The following ZNF497 variants were observed in gnomAD, a reference collection of about 807,000 sequenced individuals.
The protein encoded by ZNF497 is zinc finger protein 497.
For synonymous variants in ZNF497, 422 were observed against 313.7 expected (o/e 1.35, Z -3.65); for missense variants, 930 against 714.0 (o/e 1.30, Z -3.45).
Position 58,356,635 on chromosome 19 carries a change from T to G in ZNF497, c.1001A>C (p.Glu334Ala). 6.5e-7 allele frequency: 1 copy of G among 1,545,548 alleles called. No individual in the cohort carries two copies. Among genetic ancestry groups the G allele is most frequent in the Non-Finnish European group, 8.7e-7 (1 of 1,150,796 alleles). Residue 334 changes from glutamate (E) to alanine (A), a missense_variant, in exon 3 of 3, where the codon GAG becomes GCG. Physicochemically the swap from Glu to Ala is moderately radical, Grantham distance 107. Transcript: ENST00000311044. The stretch of plus-strand genomic sequence containing the variant: ...GCCCATGACGAAAGCCTGGCCGCAC[T>G]CGGCGCACTCGAAGGGCCGCTCACC... Reference protein sequence around the residue: ...HTGERPFECAECGQAFVMGSY... With the variant: ...HTGERPFECAACGQAFVMGSY...
chr19:58,355,857 C>G lies in ZNF497; in HGVS notation c.*282G>C, dbSNP rs960560197. ...ACCTGTCGGAGACCCCAGTTCTTGC[C>G]CACCTCTGCATGGACGAACCTCTCG... On this transcript the variant is annotated 3_prime_UTR_variant, in exon 3 of 3. Transcript: ENST00000311044. The G allele has an allele frequency of 4.9e-6, 2 of 405,410 alleles. No individual in the cohort carries two copies. Among genetic ancestry groups the G allele is most frequent in the Non-Finnish European group, 8.8e-6 (2 of 228,378 alleles). The allele number at this position is 405,410 out of a possible 1,614,324, so 25.1% of individuals were successfully genotyped here. A position where few individuals can be genotyped will look rare whatever the true frequency, so the allele number is the denominator to read the frequency against.
intron 1 of ZNF497, among the ~76,000 whole-genome samples, chr19:58,359,809 C>G (rs2052071139): frequency 6.6e-6 from 1 of 152,016 alleles, no homozygotes; most frequent in South Asian, 2.1e-4. Context: ...CCCGTCTCTA[C>G]TAAAAATACA....
chr19:58,356,608 G>A lies in ZNF497; in HGVS notation c.1028C>T (p.Ser343Phe). ...AECGQAFVMGSYLAEHRRVHT... is the reference protein window; with the variant it reads ...AECGQAFVMGFYLAEHRRVHT... ...CACGCGCCGGTGCTCCGCCAGGTAG[G>A]AGCCCATGACGAAAGCCTGGCCGCA... The change falls in exon 3 of 3, where the codon TCC becomes TTC. Residue 343 changes from serine (S) to phenylalanine (F), a missense_variant. By Grantham distance (155) the Ser-to-Phe change is radical. Transcript: ENST00000311044. 1 of 1,546,620 alleles carries A rather than the reference G, an allele frequency of 6.5e-7. No homozygotes were observed. The highest frequency in any genetic ancestry group is 8.7e-7 in the Non-Finnish European group (1 of 1,150,994).
chr19:58,361,388 G>T (rs913273574), intron 1 of ZNF497, among the ~76,000 whole-genome samples: 1 of 152,008 alleles, frequency 6.6e-6, no homozygotes, highest in Non-Finnish European at 1.5e-5. Flanking sequence ...ACAGAGTCTC[G>T]CTCTGTTGCC....
Position 58,354,537 on chromosome 19 carries a change from G to A in ZNF497, c.*1602C>T, listed in dbSNP as rs999222829. ...GAGGCGACTGCAGAGCGATTGCAGA[G>A]CTCATAGACGTGATGAAGACCAGCT... On this transcript the variant is annotated 3_prime_UTR_variant, in exon 3 of 3. Transcript: ENST00000311044. The A allele has an allele frequency of 2.0e-5, 3 of 152,362 alleles. No individual in the cohort carries two copies. The highest frequency in any genetic ancestry group is 7.2e-5 in the African/African-American group (3 of 41,460). The allele number at this position is 152,362 out of a possible 1,614,324, so 9.4% of individuals were successfully genotyped here.
chr19:58,356,477 CG>C lies in ZNF497; in HGVS notation c.1158del (p.Phe386LeufsTer73), dbSNP rs1420406796. On this transcript the variant is annotated frameshift_variant, in exon 3 of 3. Transcript: ENST00000311044. ...HRRTHSGAKP[F>X]ACADCGKAFR... is the part of the protein sequence containing the mutation. ...AAGGCCTTGCCGCAGTCGGCGCAGGCGAAGGGCTTGGCGCCCGAGTGCGTGC... is the reference window on the plus strand; with the variant it reads ...AAGGCCTTGCCGCAGTCGGCGCAGGCAAGGGCTTGGCGCCCGAGTGCGTGC... 11 of 1,551,028 alleles carry C rather than the reference CG, an allele frequency of 7.1e-6. No individual in the cohort carries two copies. Among genetic ancestry groups the C allele is most frequent in the Non-Finnish European group, 9.5e-6 (11 of 1,154,256 alleles).
rs746450528 is a variant in ZNF497, at chr19:58,356,764, T to G, written c.872A>C (p.Gln291Pro). The change falls in exon 3 of 3, where the codon CAG becomes CCG. Residue 291 changes from glutamine to proline, a missense_variant. Coordinates refer to ENST00000311044, the MANE Select transcript of ZNF497 (RefSeq NM_198458.3). ...CTCGCTGCTGTGCGTGCGCCGGTGC[T>G]GCCGCAGCCCCGCCACACGCACGAA... ...KAFVRVAGLRQHRRTHSSEKP... is the reference protein window; with the variant it reads ...KAFVRVAGLRPHRRTHSSEKP... 15 of 1,560,310 alleles carry G rather than the reference T, an allele frequency of 9.6e-6. No homozygotes were observed. In the South Asian group the frequency reaches 1.6e-4, roughly 17 times the overall value.
In ZNF497 at chr19:58,357,423, GCCGGGGCCTCCCTGTTCGT is replaced by G. The variant is rs1409319427; in HGVS notation, c.194_212del (p.Asp65AlafsTer117). ...CACCGTCTGCGGGGCCCAGCTCCCT[GCCGGGGCCTCCCTGTTCGT>G]CCGCCGCCCCCAGTGTGGCTTGCTG... On this transcript the variant is annotated frameshift_variant, in exon 3 of 3. Transcript: ENST00000311044. The G allele has an allele frequency of 6.2e-7, 1 of 1,600,566 alleles. No homozygotes were observed. Among genetic ancestry groups the G allele is most frequent in the Non-Finnish European group, 8.5e-7 (1 of 1,174,000 alleles).
At chr19:58,361,029 G>C (rs1359578261) in intron 1 of ZNF497, among the ~76,000 whole-genome samples, 2 of 151,974 alleles carry the variant, frequency 1.3e-5, no homozygotes, top group African/African-American at 4.8e-5. Flanking sequence ...TGATCCGCCC[G>C]CCTCAGCCTC....
intron 1 of ZNF497, among the ~76,000 whole-genome samples, chr19:58,362,087 T>C (rs756583125): frequency 2.0e-5 from 3 of 152,216 alleles, no homozygotes; most frequent in African/African-American, 7.2e-5. Flanking sequence ...CACCTCGACA[T>C]GATCAGAGCC....
At chr19:58,361,929 C>CT (rs1243505060) in intron 1 of ZNF497, among the ~76,000 whole-genome samples, 2 of 152,212 alleles carry the variant, frequency 1.3e-5, no homozygotes, top group Non-Finnish European at 2.9e-5. Context: ...CCAGCCGCAT[C>CT]TATCAGGGCT....
rs2052009830 is a variant in ZNF497, at chr19:58,355,722, GAC to G, written c.*415_*416del. ...GCTGACTGAAGCGAGCACCTTAGGA[GAC>G]ACAGTGGCCACTGCACTGAGCAGCT... On this transcript the variant is annotated 3_prime_UTR_variant, in exon 3 of 3. Transcript: ENST00000311044. The G allele has an allele frequency of 5.7e-6, 1 of 174,982 alleles. No individual in the cohort carries two copies. Among genetic ancestry groups the G allele is most frequent in the Admixed American group, 5.9e-5 (1 of 16,854 alleles). 10.8% of individuals were successfully genotyped at this position (174,982 alleles called of 1,614,324 possible). A position where few individuals can be genotyped will look rare whatever the true frequency, so the allele number is the denominator to read the frequency against.
chr19:58,361,077 C>T (rs1023921108), intron 1 of ZNF497, among the ~76,000 whole-genome samples: 2 of 152,112 alleles, frequency 1.3e-5, no homozygotes, highest in Non-Finnish European at 2.9e-5. Context: ...CCACGGCACC[C>T]GGCCGGTGGG....
chr19:58,357,201 CCAG>C lies in ZNF497; in HGVS notation c.432_434del (p.Trp145del). ...GCTGGTGCTGGCTGAGGTTGGAGCT[CCAG>C]GCGAAGGCCTTGCCGCACTCGGGGC... On this transcript the variant is annotated inframe_deletion, in exon 3 of 3. Coordinates refer to ENST00000311044, the MANE Select transcript of ZNF497 (RefSeq NM_198458.3). The C allele has an allele frequency of 6.2e-7, 1 of 1,613,028 alleles. No individual in the cohort carries two copies. The highest frequency in any genetic ancestry group is 2.2e-5 in the East Asian group (1 of 44,850).
chr19:58,360,832 A>G lies in ZNF497; in HGVS notation c.-112+1845T>C, dbSNP rs1372150615. On this transcript the variant is annotated intron_variant, in intron 1 of 2. Coordinates refer to ENST00000311044, the MANE Select transcript of ZNF497 (RefSeq NM_198458.3). ...AGTCTTGCTCTGTCGCCCAGGCTGGAGTCCAGTGGCGCTATCCTGGCTCAC... is the reference window on the plus strand; with the variant it reads ...AGTCTTGCTCTGTCGCCCAGGCTGGGGTCCAGTGGCGCTATCCTGGCTCAC... 8.1e-5 allele frequency among the ~76,000 whole-genome samples: 9 copies of G among 110,820 alleles called. No individual in the cohort carries two copies. In the Admixed American group the frequency reaches 1.3e-3, roughly 15 times the overall value. The allele number at this position is 110,820 out of a possible 152,430, so 72.7% of individuals were successfully genotyped here. A position where few individuals can be genotyped will look rare whatever the true frequency, so the allele number is the denominator to read the frequency against.
Position 58,356,948 on chromosome 19 carries a change from TC to T in ZNF497, c.687del (p.Trp229Ter), listed in dbSNP as rs745323275. The T allele has an allele frequency of 1.3e-6, 2 of 1,596,308 alleles. No homozygotes were observed. The highest frequency in any genetic ancestry group is 1.7e-5 in the Admixed American group (1 of 58,446). On this transcript the variant is annotated frameshift_variant, in exon 3 of 3. Transcript: ENST00000311044. The part of the protein sequence containing the change: ...ECPECGKAFS[W>X]NSNFLEHRRV... ...CGCCGGTGCTCCAGGAAATTGGAGT[TC>T]CAGCTGAAGGCCTTGCCGCACTCCG...
chr19:58,362,273 G>A (rs2052102389), intron 1 of ZNF497, among the ~76,000 whole-genome samples: 1 of 152,262 alleles, frequency 6.6e-6, no homozygotes. Flanking sequence ...GGGCAGCTCC[G>A]GAGGCTGGGA....
Position 58,357,195 on chromosome 19 carries a change from G to A in ZNF497, c.441C>T (p.Ser147=). The A allele has an allele frequency of 6.2e-7, 1 of 1,612,818 alleles. No homozygotes were observed. The change falls in exon 3 of 3, where the codon TCC becomes TCT. Residue 147 remains serine (S), a synonymous_variant. Transcript: ENST00000311044. ...PECGKAFAWS[S]NLSQHQRIHS... Reference sequence around the variant, plus strand: ...GGATGCGCTGGTGCTGGCTGAGGTTGGAGCTCCAGGCGAAGGCCTTGCCGC... The same window carrying A: ...GGATGCGCTGGTGCTGGCTGAGGTTAGAGCTCCAGGCGAAGGCCTTGCCGC...
At position 58,357,147 on chromosome 19, in the gene ZNF497, AGCGTAG is replaced by A; in HGVS notation, c.483_488del (p.Tyr162_Ala163del). 1 of 1,595,786 alleles carries A rather than the reference AGCGTAG, an allele frequency of 6.3e-7. No homozygotes were observed. The highest frequency in any genetic ancestry group is 8.5e-7 in the Non-Finnish European group (1 of 1,170,026). ...GGAAGGCCTTGCCGCACTCCCTGCA[AGCGTAG>A]GGCTTCTCGCCGCTGTGGATGCGCT... is the stretch of plus-strand genomic sequence containing the variant. On this transcript the variant is annotated inframe_deletion, in exon 3 of 3. Transcript: ENST00000311044.
Sources: gnomAD v4.1 joint callset for allele counts (sites outside exome capture counted in the v4.1 genomes callset) on GRCh38, gnomAD v4.1.1 for gene constraint, MANE v1.5 for transcripts, NCBI Gene and HGNC (gene_info 2026-07-23, HGNC 2026-07-21) for gene names.